The following LRP2 variants were observed in gnomAD, a reference collection of about 807,000 sequenced individuals.
LRP2 encodes LDL receptor related protein 2.
In LRP2, 172 loss-of-function variants were observed where a neutral mutation model predicts 531.0. That is an observed-to-expected ratio of 0.32 (90% CI 0.29 to 0.37). The LOEUF is 0.37. LRP2 is among the 10% of genes least tolerant of loss of function. The probability of loss-of-function intolerance (pLI) is 1.00; values close to 1 mark genes in which losing one functional copy is unlikely to be tolerated. For missense variants in LRP2, 5,167 were observed against 5,868.3 expected (o/e 0.88, Z 3.90); for synonymous variants, 1,992 against 2,027.6 (o/e 0.98, Z 0.47).
intron 3 of LRP2, among the ~76,000 whole-genome samples, chr2:169,311,938 CCT>C (rs1248416365): frequency 2.6e-5 from 4 of 152,112 alleles, no homozygotes. Flanking sequence ...TGACTGGATC[CCT>C]TTACCATTAC....
intron 3 of LRP2, among the ~76,000 whole-genome samples, chr2:169,313,807 A>C (rs915705001): frequency 6.6e-6 from 1 of 152,138 alleles, no homozygotes; most frequent in African/African-American, 2.4e-5. Context: ...AGCTGTTCCT[A>C]TTCGGCCATC....
rs1687103132 is a variant in LRP2 at position 169,174,156 on chromosome 2, G to A, written c.10777C>T (p.His3593Tyr). 1.9e-6 allele frequency: 3 copies of A among 1,614,114 alleles called. No homozygotes were observed. The highest frequency in any genetic ancestry group is 1.3e-5 in the African/African-American group (1 of 74,946). The change falls in exon 56 of 79, where the codon CAC becomes TAC. Residue 3593 changes from histidine (H) to tyrosine (Y), a missense_variant. Physicochemically the swap from His to Tyr is moderately conservative, Grantham distance 83 (BLOSUM62 2). Around this residue, in one of 6 missense-constraint regions of LRP2, gnomAD observed 311 missense variants for 309.4 expected, o/e 1.01. Coordinates refer to ENST00000649046, the MANE Select transcript of LRP2 (RefSeq NM_004525.3). Reference protein sequence around the residue: ...DEDRLLCENHHCDSNEWQCAN... With the variant: ...DEDRLLCENHYCDSNEWQCAN... ...CACTGCCATTCATTGGAGTCACAGT[G>A]GTGATTCTCTGAGAGCAGGGACATT...
At chr2:169,355,916 G>A (rs1456084419) in intron 1 of LRP2, among the ~76,000 whole-genome samples, 1 of 152,072 alleles carries the variant, frequency 6.6e-6, no homozygotes, top group Non-Finnish European at 1.5e-5. Flanking sequence ...TTTGAGACAG[G>A]GTCTCACTCT....
At position 169,312,689 on chromosome 2, in the gene LRP2, G is replaced by T. The variant is rs575647880; in HGVS notation, c.311-5292C>A. Among the ~76,000 whole-genome samples the T allele has an allele frequency of 2.4e-3, 371 of 152,248 alleles. 1 individual carries two copies. Among genetic ancestry groups the T allele is most frequent in the Non-Finnish European group, 3.0e-3 (201 of 68,022 alleles). On this transcript the variant is annotated intron_variant, in intron 3 of 78. Transcript: ENST00000649046. Reference sequence around the variant, plus strand: ...TCTGACAATTACGTGTCTTGGAGTTGCTCTTCTCGAGGTATGTCTTTGTGG... The same window carrying T: ...TCTGACAATTACGTGTCTTGGAGTTTCTCTTCTCGAGGTATGTCTTTGTGG...
At chr2:169,137,296 T>C in intron 76 of LRP2, 96 bp downstream of exon 76, 1 of 945,892 alleles carries the variant, frequency 1.1e-6, no homozygotes, top group Non-Finnish European at 1.7e-6. Context: ...CTTCCTTCCC[T>C]TTGGAGGGAA....
Position 169,205,600 on chromosome 2 carries a change from T to C in LRP2, c.7594A>G (p.Ile2532Val). Reference protein sequence around the residue: ...YWADWDTHAKIERATLGGNFR... With the variant: ...YWADWDTHAKVERATLGGNFR... Reference sequence around the variant, plus strand: ...TTTCCTCCCAATGTGGCTCTCTCGATTTTGGCATGTGTATCCCAGTCAGCC... The same window carrying C: ...TTTCCTCCCAATGTGGCTCTCTCGACTTTGGCATGTGTATCCCAGTCAGCC... Residue 2532 changes from isoleucine to valine, a missense_variant, in exon 41 of 79, where the codon ATC becomes GTC. Around this residue, in one of 6 missense-constraint regions of LRP2, gnomAD observed 1,129 missense variants for 1,362.7 expected, o/e 0.83. Transcript: ENST00000649046. The C allele has an allele frequency of 6.2e-7, 1 of 1,613,988 alleles. No homozygotes were observed. Among genetic ancestry groups the C allele is most frequent in the Non-Finnish European group, 8.5e-7 (1 of 1,179,970 alleles).
chr2:169,132,667 T>A lies in LRP2; in HGVS notation c.13635A>T (p.Glu4545Asp). The change falls in exon 77 of 79, where the codon GAA becomes GAT. Residue 4545 changes from glutamate to aspartate, a missense_variant. Transcript: ENST00000649046. The part of the protein sequence containing the change: ...VVQPIQVTVS[E>D]NVDNKNYGSP... ...TTCCATAATTCTTATTATCCACATT[T>A]TCAGATACAGTCACCTGTGGACATG... 1 of 1,578,050 alleles carries A rather than the reference T, an allele frequency of 6.3e-7. No homozygotes were observed. Among genetic ancestry groups the A allele is most frequent in the Non-Finnish European group, 8.7e-7 (1 of 1,147,180 alleles).
rs149469954 is a variant in LRP2 at position 169,231,732 on chromosome 2, G to A, written c.5209C>T (p.Leu1737Phe). ...CPSGWSLSPDLLNCLRDDQPF... is the reference protein window; with the variant it reads ...CPSGWSLSPDFLNCLRDDQPF... ...ACTATACCTCTCAAGCAATTCAGGA[G>A]ATCAGGAGACAGACTCCATCCTGAA... Residue 1737 changes from leucine (L) to phenylalanine (F), a missense_variant, in exon 31 of 79, where the codon CTC becomes TTC. Leu to Phe is a conservative substitution (Grantham distance 22). Transcript: ENST00000649046. 2,447 of 1,613,992 alleles carry A rather than the reference G, an allele frequency of 1.5e-3. 3 individuals carry two copies. Among genetic ancestry groups the A allele is most frequent in the Non-Finnish European group, 1.6e-3 (1,916 of 1,179,958 alleles).
intron 21 of LRP2, among the ~76,000 whole-genome samples, chr2:169,245,853 T>A (rs1689985186): frequency 6.6e-6 from 1 of 152,170 alleles, no homozygotes; most frequent in African/African-American, 2.4e-5. Context: ...TTATTTTTGG[T>A]TTTTGTTGTT....
chr2:169,230,682 G>A (rs1443821673), intron 31 of LRP2, among the ~76,000 whole-genome samples: 1 of 152,154 alleles, frequency 6.6e-6, no homozygotes, highest in Non-Finnish European at 1.5e-5. Flanking sequence ...AGATTTTTAA[G>A]CAATAAGGAA....
chr2:169,356,690 G>C (rs1290590711), intron 1 of LRP2, among the ~76,000 whole-genome samples: 14 of 152,174 alleles, frequency 9.2e-5, no homozygotes, highest in Admixed American at 9.2e-4. Context: ...AATTACTTCG[G>C]AAACATTTGC....
At chr2:169,340,547 A>C (rs1330236748) in intron 1 of LRP2, among the ~76,000 whole-genome samples, 1 of 152,212 alleles carries the variant, frequency 6.6e-6, no homozygotes, top group Non-Finnish European at 1.5e-5. Context: ...TCCTTTAAAC[A>C]GAGAAGGCAT....
chr2:169,220,309 C>T, intron 34 of LRP2, 145 bp downstream of exon 34: 1 of 701,782 alleles, frequency 1.4e-6, no homozygotes, highest in South Asian at 1.6e-5. Context: ...AGCTATTTCT[C>T]TTTCTCACTG....
At chr2:169,260,071 C>T (rs892650493) in intron 16 of LRP2, among the ~76,000 whole-genome samples, 6 of 152,090 alleles carry the variant, frequency 3.9e-5, no homozygotes, top group Non-Finnish European at 8.8e-5. Context: ...TCCATCCTCA[C>T]AGCCACTCAA....
In LRP2 at chr2:169,257,298, C is replaced by G. The variant is rs1690344615; in HGVS notation, c.2514-49G>C. Reference sequence around the variant, plus strand: ...AGGCTGTTAACACTGGGACAAACTACATGACTTCCAGAGATTTAGAACAAA... The same window carrying G: ...AGGCTGTTAACACTGGGACAAACTAGATGACTTCCAGAGATTTAGAACAAA... On this transcript the variant is annotated intron_variant, in intron 17 of 78. Coordinates refer to ENST00000649046, the MANE Select transcript of LRP2 (RefSeq NM_004525.3). 5.0e-6 allele frequency: 8 copies of G among 1,591,780 alleles called. No homozygotes were observed. The East Asian group carries it at 1.8e-4, about 36-fold the overall frequency.
chr2:169,343,757 T>C (rs1049283832), intron 1 of LRP2, among the ~76,000 whole-genome samples: 1 of 152,160 alleles, frequency 6.6e-6, no homozygotes. Context: ...GAAGGGGTAG[T>C]TGGGGTATGG....
At chr2:169,242,854 AGTTT>A in intron 24 of LRP2, 98 bp downstream of exon 24, 1 of 858,592 alleles carries the variant, frequency 1.2e-6, no homozygotes. Context: ...ACTTTCCCCC[AGTTT>A]GTCTGAGTTA....
At chr2:169,167,800 A>G (rs946746137) in intron 61 of LRP2, among the ~76,000 whole-genome samples, 32 of 151,856 alleles carry the variant, frequency 2.1e-4, no homozygotes, top group Non-Finnish European at 3.8e-4. Flanking sequence ...AACTCTATTT[A>G]CGTTCACTTC....
intron 30 of LRP2, 139 bp from the exon 31 acceptor site, chr2:169,231,981 T>C: frequency 1.9e-6 from 2 of 1,058,106 alleles, no homozygotes; most frequent in Non-Finnish European, 2.8e-6. Flanking sequence ...TTGTTTTCTT[T>C]TGTTTTGTTT....
Sources: allele counts gnomAD v4.1 joint callset (sites outside exome capture counted in the v4.1 genomes callset), GRCh38; gene constraint gnomAD v4.1.1; regional missense constraint gnomAD v4.1.1; transcripts MANE v1.5; gene names NCBI Gene and HGNC (gene_info 2026-07-23, HGNC 2026-07-21).